The following SIL1 variants were observed in gnomAD, a reference collection of about 807,000 sequenced individuals.
SIL1 encodes the protein SIL1 nucleotide exchange factor, also known as nucleotide exchange factor SIL1.
In SIL1, 40 loss-of-function variants were observed where a neutral mutation model predicts 49.1. The ratio of observed to expected loss-of-function variants is 0.81; its 90% CI spans 0.63 to 1.06. The LOEUF is 1.06. Among genes scored for constraint, SIL1 ranks in the 50% least tolerant of loss-of-function variants. The pLI is 0.00. For synonymous variants in SIL1, 253 were observed against 250.8 expected (o/e 1.01, Z -0.08); for missense variants, 500 against 572.6 (o/e 0.87, Z 1.29).
At chr5:138,994,393 G>A (rs1348214547) in intron 7 of SIL1, among the ~76,000 whole-genome samples, 1 of 152,040 alleles carries the variant, frequency 6.6e-6, no homozygotes, top group Admixed American at 6.6e-5. Flanking sequence ...AGGTAATTAG[G>A]CATAACAAAA....
intron 1 of SIL1, among the ~76,000 whole-genome samples, chr5:139,156,013 A>G (rs1314392618): frequency 6.6e-6 from 1 of 152,134 alleles, no homozygotes; most frequent in Non-Finnish European, 1.5e-5. Context: ...TTGTATTTTC[A>G]GTAGAGACGG....
At chr5:139,018,385 C>T (rs1413265588) in intron 7 of SIL1, among the ~76,000 whole-genome samples, 4 of 151,922 alleles carry the variant, frequency 2.6e-5, no homozygotes, top group Non-Finnish European at 4.4e-5. Context: ...TGCTTGAGTC[C>T]GGGAGACTGG....
intron 7 of SIL1, among the ~76,000 whole-genome samples, chr5:138,991,010 C>A (rs1167017397): frequency 6.6e-6 from 1 of 152,238 alleles, no homozygotes; most frequent in Non-Finnish European, 1.5e-5. Flanking sequence ...GCCACCATGC[C>A]CCACCCCCAG....
intron 3 of SIL1, among the ~76,000 whole-genome samples, chr5:139,067,959 G>A (rs899389462): frequency 6.6e-6 from 1 of 152,174 alleles, no homozygotes; most frequent in African/African-American, 2.4e-5. Flanking sequence ...TCCATCAGTA[G>A]GGGATTTGTT....
chr5:139,176,183 T>C (rs908030304), intron 1 of SIL1, among the ~76,000 whole-genome samples: 5 of 152,140 alleles, frequency 3.3e-5, no homozygotes, highest in Non-Finnish European at 5.9e-5. Flanking sequence ...CATAAGAAGG[T>C]GGCCTTTCCT....
At chr5:138,986,907 C>A (rs1767660445) in intron 7 of SIL1, among the ~76,000 whole-genome samples, 1 of 152,134 alleles carries the variant, frequency 6.6e-6, no homozygotes, top group East Asian at 1.9e-4. Context: ...TTCCTGCCCC[C>A]AAATCCTTGG....
In SIL1 at chr5:138,948,922, GCAACA is replaced by G. The variant is rs1241365455; in HGVS notation, c.1030-1454_1030-1450del. Among the ~76,000 whole-genome samples the G allele has an allele frequency of 6.6e-6, 1 of 152,168 alleles. No homozygotes were observed. The highest frequency in any genetic ancestry group is 1.5e-5 in the Non-Finnish European group (1 of 68,026). On this transcript the variant is annotated intron_variant, in intron 9 of 9. Transcript: ENST00000394817. This position sits in a 1 kb window ranked among gnomAD's most constrained non-coding sequence, Gnocchi z 4.8. ...CTCTCACCTTCCACAATGTTGTCAT[GCAACA>G]CAAAGGCTCCCGCCAGATGCACCCA...
At chr5:139,043,246 G>T (rs980037652) in intron 4 of SIL1, among the ~76,000 whole-genome samples, 1 of 152,166 alleles carries the variant, frequency 6.6e-6, no homozygotes, top group Admixed American at 6.6e-5. Flanking sequence ...ACGAACAGAG[G>T]GCTCTCAGCC....
chr5:139,113,337 A>T (rs1307299382), intron 3 of SIL1, among the ~76,000 whole-genome samples: 2 of 151,908 alleles, frequency 1.3e-5, no homozygotes, highest in Non-Finnish European at 2.9e-5. Context: ...ATTTAAAAAA[A>T]AAAGTTTCAC....
At chr5:138,997,645 C>T (rs1378893507) in intron 7 of SIL1, among the ~76,000 whole-genome samples, 1 of 152,200 alleles carries the variant, frequency 6.6e-6, no homozygotes, top group Non-Finnish European at 1.5e-5. Flanking sequence ...CTGCAACCTC[C>T]ACCTCCAGGT....
At chr5:139,000,026 C>T (rs1029961646) in intron 7 of SIL1, among the ~76,000 whole-genome samples, 1 of 152,184 alleles carries the variant, frequency 6.6e-6, no homozygotes, top group African/African-American at 2.4e-5. Context: ...TGTAAATAGG[C>T]ATCTTTGTCT....
At chr5:139,077,291 A>C (rs951616094) in intron 3 of SIL1, among the ~76,000 whole-genome samples, 1 of 152,266 alleles carries the variant, frequency 6.6e-6, no homozygotes, top group Non-Finnish European at 1.5e-5. Context: ...ACCTTTATGA[A>C]CAAAATACAA....
intron 1 of SIL1, among the ~76,000 whole-genome samples, chr5:139,167,602 T>A (rs1380870906): frequency 2.0e-5 from 3 of 152,350 alleles, no homozygotes; most frequent in African/African-American, 7.2e-5. Context: ...GTCAACAGTT[T>A]TAAATTTTAA....
At chr5:139,092,446 T>C (rs964620351) in intron 3 of SIL1, among the ~76,000 whole-genome samples, 1 of 152,208 alleles carries the variant, frequency 6.6e-6, no homozygotes, top group African/African-American at 2.4e-5. Context: ...TCTGTTTTAC[T>C]TGCAAAAAGA....
At chr5:139,032,994 G>T in intron 5 of SIL1, 1 of 151,794 alleles carries the variant, frequency 6.6e-6, no homozygotes, top group African/African-American at 2.4e-5. Context: ...TTTTGTTTTT[G>T]TTTTGTTTTT....
rs545860855 is a variant in SIL1, at chr5:138,994,758, A to AT, written c.767+26412_767+26413insA. 2.0e-3 allele frequency among the ~76,000 whole-genome samples: 306 copies of AT among 152,312 alleles called. 1 individual carries two copies. The highest frequency in any genetic ancestry group is 0.01 in the Middle Eastern group (3 of 294). Reference sequence around the variant, plus strand: ...AGGACATGCAAGTTTGTTACATGTAAACATGTGCCATGGTGGTTTGCTGCA... The same window carrying AT: ...AGGACATGCAAGTTTGTTACATGTAATACATGTGCCATGGTGGTTTGCTGCA... On this transcript the variant is annotated intron_variant, in intron 7 of 9. Transcript: ENST00000394817.
At chr5:139,142,959 AG>A (rs1751109873) in intron 1 of SIL1, among the ~76,000 whole-genome samples, 1 of 151,888 alleles carries the variant, frequency 6.6e-6, no homozygotes, top group South Asian at 2.1e-4. Context: ...TTTAGTAGAC[AG>A]GGTTTCACTG....
At chr5:138,967,969 T>A (rs1218527811) in intron 7 of SIL1, among the ~76,000 whole-genome samples, 1 of 152,130 alleles carries the variant, frequency 6.6e-6, no homozygotes, top group African/African-American at 2.4e-5. Flanking sequence ...GCAAGACGAC[T>A]AAGGGAGAAG....
chr5:139,025,919 C>T (rs1380814122), intron 6 of SIL1, among the ~76,000 whole-genome samples: 1 of 152,212 alleles, frequency 6.6e-6, no homozygotes, highest in Non-Finnish European at 1.5e-5. Context: ...ATAGGGGTTG[C>T]TGTGCCCCAA....
Sources: allele counts gnomAD v4.1 joint callset (sites outside exome capture counted in the v4.1 genomes callset), GRCh38; gene constraint gnomAD v4.1.1; non-coding constraint Gnocchi (gnomAD v3.1); transcripts MANE v1.5; gene names NCBI Gene and HGNC (gene_info 2026-07-23, HGNC 2026-07-21).